PTPN4: variants seen among roughly 807,000 people sequenced by gnomAD.
PTPN4 encodes tyrosine-protein phosphatase non-receptor type 4.
A neutral mutation model predicts 135.5 loss-of-function variants in PTPN4; 49 were observed. That is an observed-to-expected ratio of 0.36 (90% CI 0.29 to 0.46). PTPN4 has a LOEUF of 0.46. PTPN4 is among the 20% of genes least tolerant of loss of function. The pLI, the probability that PTPN4 is intolerant of heterozygous loss-of-function variation, is 1.00. For synonymous variants in PTPN4, 333 were observed against 369.9 expected (o/e 0.90, Z 1.14); for missense variants, 860 against 1,101.0 (o/e 0.78, Z 3.10).
At chr2:119,847,270 C>A (rs1203667600) in intron 2 of PTPN4, among the ~76,000 whole-genome samples, 1 of 105,602 alleles carries the variant, frequency 9.5e-6, no homozygotes, top group African/African-American at 3.6e-5. Flanking sequence ...AGGAGATACT[C>A]TATATACACA....
intron 14 of PTPN4, among the ~76,000 whole-genome samples, chr2:119,933,646 G>A (rs1314465003): frequency 2.7e-5 from 4 of 145,590 alleles, no homozygotes; most frequent in South Asian, 4.3e-4. Context: ...CTGGACCACA[G>A]AGTGAGACCC....
At chr2:119,926,267 G>T (rs1678823410) in intron 12 of PTPN4, among the ~76,000 whole-genome samples, 1 of 152,130 alleles carries the variant, frequency 6.6e-6, no homozygotes, top group East Asian at 1.9e-4. Flanking sequence ...TTTCCCTCTA[G>T]ACAAATCAGC....
At chr2:119,773,278 AC>A (rs1197574877) in intron 1 of PTPN4, among the ~76,000 whole-genome samples, 5 of 152,186 alleles carry the variant, frequency 3.3e-5, no homozygotes, top group Admixed American at 2.6e-4. Context: ...TTGAAAACGC[AC>A]ATACAGCTGA....
intron 1 of PTPN4, among the ~76,000 whole-genome samples, chr2:119,791,967 C>T (rs941560593): frequency 1.3e-4 from 20 of 152,070 alleles, no homozygotes; most frequent in African/African-American, 2.2e-4. Context: ...AGGCTCTGTT[C>T]GTGTTTTTTT....
intron 1 of PTPN4, among the ~76,000 whole-genome samples, chr2:119,790,617 C>G (rs551257948): frequency 2.0e-5 from 3 of 151,906 alleles, no homozygotes; most frequent in South Asian, 4.2e-4. Flanking sequence ...ATAATTGGAG[C>G]AGGGTTTTAA....
chr2:119,881,745 A>C (rs777032383), intron 5 of PTPN4, 41 bp from the exon 6 acceptor site: 21 of 1,361,810 alleles, frequency 1.5e-5, no homozygotes, highest in Non-Finnish European at 2.1e-5. Context: ...AATTGTTACA[A>C]TTCTATTAAA....
intron 10 of PTPN4, among the ~76,000 whole-genome samples, chr2:119,909,191 T>G (rs1483872333): frequency 6.6e-6 from 1 of 152,174 alleles, no homozygotes; most frequent in East Asian, 1.9e-4. Context: ...GAAACAGCCT[T>G]CTATTGGAAG....
At chr2:119,821,425 C>G (rs1160397173) in intron 2 of PTPN4, among the ~76,000 whole-genome samples, 1 of 151,868 alleles carries the variant, frequency 6.6e-6, no homozygotes, top group Non-Finnish European at 1.5e-5. Flanking sequence ...TGGTTTCCAC[C>G]AAGAAAAGTG....
At chr2:119,850,279 G>C (rs972049939) in intron 2 of PTPN4, among the ~76,000 whole-genome samples, 2 of 152,206 alleles carry the variant, frequency 1.3e-5, no homozygotes, top group African/African-American at 4.8e-5. Context: ...CTTACAAGCA[G>C]GGCTCTTGTA....
chr2:119,969,099 C>T (rs1679489017), intron 26 of PTPN4, among the ~76,000 whole-genome samples: 1 of 152,140 alleles, frequency 6.6e-6, no homozygotes, highest in African/African-American at 2.4e-5. Context: ...TCATAACTCA[C>T]TGCAGCCTCA....
intron 1 of PTPN4, among the ~76,000 whole-genome samples, chr2:119,805,760 G>A (rs968278596): frequency 3.3e-5 from 5 of 152,112 alleles, no homozygotes; most frequent in African/African-American, 7.2e-5. Flanking sequence ...TCTTGGCAAC[G>A]TGGGCTCTTT....
intron 1 of PTPN4, among the ~76,000 whole-genome samples, chr2:119,779,182 C>T (rs922392895): frequency 6.6e-6 from 1 of 152,094 alleles, no homozygotes; most frequent in Non-Finnish European, 1.5e-5. Flanking sequence ...TTGTATACAG[C>T]GTTATAACAA....
chr2:119,871,715 G>GA (rs912062048), intron 3 of PTPN4, among the ~76,000 whole-genome samples: 13 of 149,688 alleles, frequency 8.7e-5, no homozygotes, highest in African/African-American at 2.4e-4. Context: ...AAGAGAGAGA[G>GA]AAAAAAAAAG....
chr2:119,765,914 C>CTGTGTGTG (rs61700411), intron 1 of PTPN4, among the ~76,000 whole-genome samples: 210 of 150,364 alleles, frequency 1.4e-3, no homozygotes, highest in Middle Eastern at 0.01. Context: ...GTGTGTGAAT[C>CTGTGTGTG]TGTGTGTGTG....
intron 26 of PTPN4, among the ~76,000 whole-genome samples, chr2:119,969,023 T>C (rs1679488210): frequency 6.6e-6 from 1 of 152,088 alleles, no homozygotes; most frequent in African/African-American, 2.4e-5. Context: ...GCCTATAATT[T>C]TTTTGTTTTT....
At chr2:119,884,394 G>A (rs1678124823) in intron 8 of PTPN4, among the ~76,000 whole-genome samples, 1 of 152,122 alleles carries the variant, frequency 6.6e-6, no homozygotes, top group African/African-American at 2.4e-5. Flanking sequence ...TCGCACAATG[G>A]CCAAGCTAAA....
At chr2:119,847,456 T>C (rs914386213) in intron 2 of PTPN4, among the ~76,000 whole-genome samples, 1 of 151,568 alleles carries the variant, frequency 6.6e-6, no homozygotes, top group African/African-American at 2.4e-5. Context: ...GCCTCCTGAG[T>C]AGCTGGGATT....
At chr2:119,899,262 G>T (rs1156914982) in intron 9 of PTPN4, among the ~76,000 whole-genome samples, 1 of 152,080 alleles carries the variant, frequency 6.6e-6, no homozygotes, top group East Asian at 1.9e-4. Flanking sequence ...TGGGATTATG[G>T]GACTGTTCGG....
At chr2:119,783,342 C>G (rs1411591457) in intron 1 of PTPN4, among the ~76,000 whole-genome samples, 1 of 151,340 alleles carries the variant, frequency 6.6e-6, no homozygotes, top group Non-Finnish European at 1.5e-5. Flanking sequence ...CAGGGTTATT[C>G]TCTCATTTGT....
Sources: gnomAD v4.1 joint callset for allele counts (sites outside exome capture counted in the v4.1 genomes callset) on GRCh38, gnomAD v4.1.1 for gene constraint, MANE v1.5 for transcripts, NCBI Gene and HGNC (gene_info 2026-07-23, HGNC 2026-07-21) for gene names.